DOCK10: variants seen among roughly 807,000 people sequenced by gnomAD.
DOCK10 encodes the protein dedicator of cytokinesis 10.
Under a neutral mutation model 280.1 loss-of-function variants are expected in DOCK10, and 145 were observed. That is an observed-to-expected ratio of 0.52 (90% CI 0.45 to 0.59). The LOEUF (loss-of-function observed/expected upper bound fraction) is 0.59, where lower values mean the gene tolerates loss of function less well. DOCK10 is among the 20% of genes least tolerant of loss of function. DOCK10 has a pLI of 0.00. For missense variants in DOCK10, 2,368 were observed against 2,651.7 expected, an observed-to-expected ratio of 0.89 and a Z score of 2.35; for synonymous variants, 915 against 942.2, an observed-to-expected ratio of 0.97 and a Z score of 0.53.
chr2:225,035,529 G>GATGATAT (rs1157193846), intron 1 of DOCK10, among the ~76,000 whole-genome samples: 45 of 75,680 alleles, frequency 5.9e-4, no homozygotes, highest in African/African-American at 1.9e-3. Flanking sequence ...GATCTTATAT[G>GATGATAT]ATATGATATA....
rs957189200 is a variant in DOCK10 at position 224,886,054 on chromosome 2, T to C, written c.612+9A>G. The stretch of plus-strand genomic sequence containing the variant: ...ACAGAGATAAAGATGAGTCTTGATA[T>C]CTCCTTACCCGAACAGTAACGGTGT... On this transcript the variant is annotated intron_variant, in intron 6 of 55. Transcript: ENST00000258390. 5.0e-6 allele frequency: 8 copies of C among 1,613,610 alleles called. No individual in the cohort carries two copies. Among genetic ancestry groups the C allele is most frequent in the Non-Finnish European group, 5.9e-6 (7 of 1,179,832 alleles).
intron 3 of DOCK10, among the ~76,000 whole-genome samples, chr2:224,903,076 C>T (rs1328099156): frequency 1.3e-5 from 2 of 152,102 alleles, no homozygotes; most frequent in Non-Finnish European, 2.9e-5. Flanking sequence ...CCAGCCTGGG[C>T]GACAGAGCGA....
In DOCK10 at chr2:224,765,560, T is replaced by A. The variant is rs116226701; in HGVS notation, c.*161A>T. 1,866 of 560,826 alleles carry A rather than the reference T, an allele frequency of 3.3e-3. 32 individuals carry two copies. The highest frequency in any genetic ancestry group is 0.032 in the African/African-American group (1,664 of 52,634). The allele number at this position is 560,826 out of a possible 1,614,324, so 34.7% of individuals were successfully genotyped here. On this transcript the variant is annotated 3_prime_UTR_variant, in exon 56 of 56. Coordinates refer to ENST00000258390, the MANE Select transcript of DOCK10 (RefSeq NM_014689.3). ...TCAAAGAAAAAAAAATTATACAAAA[T>A]GTGCAAATTCAGAGGTTGGCAAAAT... is the stretch of plus-strand genomic sequence containing the variant.
In DOCK10 at chr2:224,808,067, G is replaced by A. The variant is rs1451853331; in HGVS notation, c.3429C>T (p.Val1143=). The stretch of plus-strand genomic sequence containing the variant: ...AGTGTTTGCGACAAAATTCATTTGT[G>A]ACTGAATATTCAGGCATATCTTTGT... ...LHASDMPEYS[V]TNEFCRKHFL... is the part of the protein sequence containing the mutation. The change falls in exon 32 of 56, where the codon GTC becomes GTT. Residue 1143 remains valine (V), a synonymous_variant. Transcript: ENST00000258390. The A allele has an allele frequency of 6.2e-7, 1 of 1,611,746 alleles. No homozygotes were observed. Among genetic ancestry groups the A allele is most frequent in the Non-Finnish European group, 8.5e-7 (1 of 1,178,812 alleles).
chr2:224,905,739 G>A (rs1266278519), intron 3 of DOCK10, among the ~76,000 whole-genome samples: 3 of 152,040 alleles, frequency 2.0e-5, no homozygotes, highest in Non-Finnish European at 4.4e-5. Flanking sequence ...TCTCGCTATT[G>A]ACCCTTCTTC....
At chr2:224,854,160 C>A (rs1008210833) in intron 16 of DOCK10, among the ~76,000 whole-genome samples, 1 of 151,642 alleles carries the variant, frequency 6.6e-6, no homozygotes, top group Non-Finnish European at 1.5e-5. Flanking sequence ...CAGTGGCAAT[C>A]CAAATATCCC....
chr2:224,894,002 G>C (rs956272046), intron 4 of DOCK10, among the ~76,000 whole-genome samples: 1 of 152,034 alleles, frequency 6.6e-6, no homozygotes, highest in African/African-American at 2.4e-5. Flanking sequence ...ATTGTTCTGG[G>C]GTATATCTGA....
At chr2:224,993,202 G>GTTTTTTTTTTTTTTT (rs112976099) in intron 1 of DOCK10, among the ~76,000 whole-genome samples, 14 of 136,226 alleles carry the variant, frequency 1.0e-4, no homozygotes, top group South Asian at 5.0e-4. Flanking sequence ...TTCTTTGGAA[G>GTTTTTTTTTTTTTTT]TTTTTTTTTT....
intron 3 of DOCK10, among the ~76,000 whole-genome samples, chr2:224,904,784 G>A (rs551192265): frequency 6.6e-6 from 1 of 152,032 alleles, no homozygotes; most frequent in Non-Finnish European, 1.5e-5. Flanking sequence ...TCAAAAGAAT[G>A]GTTTCTTTGT....
chr2:224,972,152 A>T (rs1318055207), intron 1 of DOCK10, among the ~76,000 whole-genome samples: 1 of 152,202 alleles, frequency 6.6e-6, no homozygotes, highest in Admixed American at 6.5e-5. Flanking sequence ...TACTGTGCAA[A>T]GTTTGTAGCA....
intron 3 of DOCK10, among the ~76,000 whole-genome samples, chr2:224,897,267 T>C (rs111508390): frequency 9.2e-5 from 14 of 152,324 alleles, no homozygotes; most frequent in African/African-American, 3.4e-4. Flanking sequence ...ATTTTATTTT[T>C]AATTTTTGTG....
chr2:224,955,552 C>A (rs541575740), intron 1 of DOCK10, among the ~76,000 whole-genome samples: 1 of 152,324 alleles, frequency 6.6e-6, no homozygotes, highest in South Asian at 2.1e-4. Context: ...TATTTAATGG[C>A]ACCGTAATGC....
Position 224,844,656 on chromosome 2 carries a change from C to T in DOCK10, c.2568+97G>A, listed in dbSNP as rs879229432. 2.7e-4 allele frequency: 219 copies of T among 814,280 alleles called. 3 individuals are homozygous for T. The South Asian group carries it at 3.1e-3, about 12-fold the overall frequency. The allele number at this position is 814,280 out of a possible 1,614,324, so 50.4% of individuals were successfully genotyped here. A position where few individuals can be genotyped will look rare whatever the true frequency, so the allele number is the denominator to read the frequency against. On this transcript the variant is annotated intron_variant, in intron 22 of 55. Transcript: ENST00000258390. Reference sequence around the variant, plus strand: ...TATTCAAACACCTGCCTTTCTGACACTTCATGAAATGATTAGTCTCATCCT... The same window carrying T: ...TATTCAAACACCTGCCTTTCTGACATTTCATGAAATGATTAGTCTCATCCT...
At position 224,864,540 on chromosome 2, in the gene DOCK10, G is replaced by T. The variant is rs191646897; in HGVS notation, c.1602+13C>A. 24 of 1,565,956 alleles carry T rather than the reference G, an allele frequency of 1.5e-5. 1 individual carries two copies. In the Admixed American group the frequency reaches 4.8e-4, roughly 31 times the overall value. ...AAAAAGGAAGTGAAGTTATTTATAA[G>T]ATTATACATTACCTTGTTGGAGTCT... On this transcript the variant is annotated intron_variant, in intron 13 of 55. Transcript: ENST00000258390.
intron 2 of DOCK10, among the ~76,000 whole-genome samples, chr2:224,931,121 C>G (rs1403449240): frequency 6.6e-6 from 1 of 152,132 alleles, no homozygotes; most frequent in African/African-American, 2.4e-5. Context: ...AAAGACAAAC[C>G]AAGATTAAGG....
chr2:224,871,794 C>A (rs943478254), intron 11 of DOCK10, among the ~76,000 whole-genome samples: 1 of 152,176 alleles, frequency 6.6e-6, no homozygotes, highest in Non-Finnish European at 1.5e-5. Context: ...CCATGACCAT[C>A]CTGTCTAAAG....
rs545645774 is a variant in DOCK10, at chr2:224,826,624, C to T, written c.3037-2977G>A. 2.6e-5 allele frequency among the ~76,000 whole-genome samples: 4 copies of T among 152,236 alleles called. No homozygotes were observed. In the East Asian group the frequency reaches 5.8e-4, roughly 22 times the overall value. On this transcript the variant is annotated intron_variant, in intron 27 of 55. Coordinates refer to ENST00000258390, the MANE Select transcript of DOCK10 (RefSeq NM_014689.3). The stretch of plus-strand genomic sequence containing the variant: ...AATATCAGGGCTGGGTACAATGGCT[C>T]ACGCCTGTAATCCCAGTACTTTGGG...
intron 4 of DOCK10, among the ~76,000 whole-genome samples, chr2:224,890,742 T>C (rs1699608443): frequency 6.6e-6 from 1 of 152,144 alleles, no homozygotes; most frequent in Non-Finnish European, 1.5e-5. Flanking sequence ...TGATTGTCTC[T>C]TGGGGGAGAG....
chr2:224,925,831 C>A lies in DOCK10; in HGVS notation c.243+5718G>T, dbSNP rs558335326. Among the ~76,000 whole-genome samples, 180 of 152,278 alleles carry A rather than the reference C, an allele frequency of 1.2e-3. 1 individual carries two copies. The Middle Eastern group carries it at 0.024, about 20-fold the overall frequency. On this transcript the variant is annotated intron_variant, in intron 2 of 55. Transcript: ENST00000258390. ...AGAAACTCATTTCTGACTTTCTCAACTTTTTTTCTGCTATTTTGCATCAGT... is the reference window on the plus strand; with the variant it reads ...AGAAACTCATTTCTGACTTTCTCAAATTTTTTTCTGCTATTTTGCATCAGT...
Sources: allele counts gnomAD v4.1 joint callset (sites outside exome capture counted in the v4.1 genomes callset), GRCh38; gene constraint gnomAD v4.1.1; transcripts MANE v1.5; gene names NCBI Gene and HGNC (gene_info 2026-07-23, HGNC 2026-07-21).